Variants in PWWP2A observed in about 807,000 individuals in gnomAD.
PWWP2A encodes the protein PWWP domain-containing protein 2A.
A neutral mutation model predicts 48.5 loss-of-function variants in PWWP2A; 18 were observed. The ratio of observed to expected loss-of-function variants is 0.37; its 90% CI spans 0.26 to 0.55. The LOEUF is 0.55. Ranked by LOEUF, PWWP2A falls within the 20% of genes least tolerant of loss-of-function variation. The pLI, the probability that PWWP2A is intolerant of heterozygous loss-of-function variation, is 0.81. For missense variants in PWWP2A, 867 were observed against 976.4 expected (o/e 0.89, Z 1.49); for synonymous variants, 396 against 387.7 (o/e 1.02, Z -0.25).
downstream of PWWP2A, among the ~76,000 whole-genome samples, chr5:160,059,681 C>G (rs919608626): frequency 6.6e-6 from 1 of 152,200 alleles, no homozygotes; most frequent in African/African-American, 2.4e-5. Context: ...GTCAGAGGAG[C>G]AGTCAGAACA....
chr5:160,073,228 TC>T (rs1453136008), downstream of PWWP2A, among the ~76,000 whole-genome samples: 1,082 of 27,344 alleles, frequency 0.04, 10 homozygotes, highest in African/African-American at 0.071. Flanking sequence ...TAAAAACATT[TC>T]TTTTTTTTTT....
At chr5:160,084,658 T>C (rs1754486491) in intron 2 of PWWP2A, among the ~76,000 whole-genome samples, 1 of 152,098 alleles carries the variant, frequency 6.6e-6, no homozygotes, top group Non-Finnish European at 1.5e-5. Flanking sequence ...CTCAAACTCC[T>C]GGACTCAAAT....
At chr5:160,065,037 T>C (rs757621982) in intron 4 of PWWP2A, 1 of 1,612,014 alleles carries the variant, frequency 6.2e-7, no homozygotes, top group Non-Finnish European at 8.5e-7. Context: ...TCCATCAATT[T>C]CGTTCAAAAT....
chr5:160,093,840 T>C lies in PWWP2A; in HGVS notation c.810A>G (p.Ala270=). The C allele has an allele frequency of 2.5e-6, 4 of 1,614,018 alleles. No homozygotes were observed. The highest frequency in any genetic ancestry group is 3.4e-6 in the Non-Finnish European group (4 of 1,179,892). ...SKPPPLFHEG[A]PYPPPLFIRD... ...TGATAAACAAAGGGGGAGGATAAGG[T>C]GCTCCTTCATGGAAGAGAGGTGGTG... Residue 270 remains alanine, a synonymous_variant, in exon 2 of 2, where the codon GCA becomes GCG. Coordinates refer to ENST00000307063, the MANE Select transcript of PWWP2A (RefSeq NM_001130864.2). This position sits in a 1 kb window ranked among gnomAD's most constrained non-coding sequence, Gnocchi z 5.8.
chr5:160,045,520 A>ACACACACACACACACC, the PWWP2A span, among the ~76,000 whole-genome samples: 1 of 54,884 alleles, frequency 1.8e-5, no homozygotes, highest in Admixed American at 2.3e-4. Context: ...ACACATACAC[A>ACACACACACACACACC]CTCTCTCTCT....
intron 3 of PWWP2A, among the ~76,000 whole-genome samples, chr5:160,080,469 A>G (rs35435432): frequency 0.013 from 1,915 of 152,282 alleles, 21 homozygotes; most frequent in Middle Eastern, 0.075. Context: ...GTATCAATGG[A>G]AAGTTATTTT....
Position 160,118,863 on chromosome 5 carries a change from C to T in PWWP2A, c.526G>A (p.Val176Met). ...AGCTTCTCCCCGAAGCGGAACGACACGACAAGCGCGTCCTCAATGATGTGG... is the reference window on the plus strand; with the variant it reads ...AGCTTCTCCCCGAAGCGGAACGACATGACAAGCGCGTCCTCAATGATGTGG... ...LDHIIEDALV[V>M]SFRFGEKLFS... The change falls in exon 1 of 2, where the codon GTG becomes ATG. Residue 176 changes from valine (V) to methionine (M), a missense_variant. This residue lies in a region of PWWP2A where 385 missense variants were observed against 396.9 expected (regional missense o/e 0.97). Transcript: ENST00000307063. 6.3e-7 allele frequency: 1 copy of T among 1,593,916 alleles called. No homozygotes were observed. The highest frequency in any genetic ancestry group is 8.5e-7 in the Non-Finnish European group (1 of 1,171,762).
At chr5:160,063,521 A>G (rs1360758434) in intron 5 of PWWP2A, 1 of 151,716 alleles carries the variant, frequency 6.6e-6, no homozygotes, top group Non-Finnish European at 1.5e-5. Flanking sequence ...AGCCAAGGCC[A>G]TGCACCTTTA....
chr5:160,097,746 C>T (rs901969532), intron 1 of PWWP2A, among the ~76,000 whole-genome samples: 2 of 136,986 alleles, frequency 1.5e-5, no homozygotes, highest in Non-Finnish European at 3.1e-5. Context: ...GAGACAGACT[C>T]TCACTGTCGC....
intron 2 of PWWP2A, among the ~76,000 whole-genome samples, chr5:160,084,247 C>T (rs1191529882): frequency 1.3e-5 from 2 of 152,142 alleles, no homozygotes; most frequent in Non-Finnish European, 2.9e-5. Context: ...CCTTATTTCA[C>T]ATGTGATGAT....
intron 2 of PWWP2A, among the ~76,000 whole-genome samples, chr5:160,067,857 G>GTATT (rs1432063478): frequency 1.3e-5 from 2 of 152,216 alleles, no homozygotes; most frequent in Non-Finnish European, 2.9e-5. Flanking sequence ...AAGGTGGCCT[G>GTATT]TATTTGCCTA....
chr5:160,089,734 T>A (rs988525185), downstream of PWWP2A: 10 of 1,229,476 alleles, frequency 8.1e-6, no homozygotes, highest in African/African-American at 1.6e-4. Flanking sequence ...AATCCTTTGT[T>A]TTAGCCACGA....
rs1054397373 is a variant in PWWP2A, at chr5:160,108,811, C to T, written c.584+9994G>A. On this transcript the variant is annotated intron_variant, in intron 1 of 1. Transcript: ENST00000307063. ...TCAATTCTGAAATACAGCTAGCTACCCCCTTTAATATGCACATACCACAAA... is the reference window on the plus strand; with the variant it reads ...TCAATTCTGAAATACAGCTAGCTACTCCCTTTAATATGCACATACCACAAA... Among the ~76,000 whole-genome samples the T allele has an allele frequency of 5.9e-5, 9 of 152,082 alleles. No individual in the cohort carries two copies. The South Asian group carries it at 6.2e-4, about 11-fold the overall frequency.
At chr5:160,059,553 C>G (rs541244294), downstream of PWWP2A, among the ~76,000 whole-genome samples, 5 of 152,148 alleles carry the variant, frequency 3.3e-5, no homozygotes, top group Admixed American at 2.0e-4. Flanking sequence ...TCTGGCTCTT[C>G]CCTTTACTTG....
chr5:160,107,988 C>T (rs943580623), intron 1 of PWWP2A, among the ~76,000 whole-genome samples: 2 of 151,606 alleles, frequency 1.3e-5, no homozygotes, highest in African/African-American at 4.8e-5. Context: ...GCGACAAAAG[C>T]GAGACCCATC....
chr5:160,087,602 A>G (rs1754740070), downstream of PWWP2A, among the ~76,000 whole-genome samples: 1 of 152,160 alleles, frequency 6.6e-6, no homozygotes, highest in African/African-American at 2.4e-5. Context: ...TTCTATCAAA[A>G]CTAAATTACA....
downstream of PWWP2A, chr5:160,090,949 G>A (rs1755009252): frequency 1.6e-5 from 16 of 984,908 alleles, no homozygotes; most frequent in Non-Finnish European, 1.9e-5. Context: ...AAAATAGTAA[G>A]CTAAGTTACT....
At chr5:160,117,151 CT>C (rs1232533306) in intron 1 of PWWP2A, among the ~76,000 whole-genome samples, 1 of 151,686 alleles carries the variant, frequency 6.6e-6, no homozygotes, top group East Asian at 2.0e-4. Flanking sequence ...CCTTATTCTG[CT>C]TTCTAATTAT....
chr5:160,097,386 C>T (rs545157990), intron 1 of PWWP2A, among the ~76,000 whole-genome samples: 4 of 146,696 alleles, frequency 2.7e-5, no homozygotes, highest in African/African-American at 1.0e-4. Flanking sequence ...GTGGCTCACG[C>T]CTGTAATCCC....
Sources: gnomAD v4.1 joint callset for allele counts (sites outside exome capture counted in the v4.1 genomes callset) on GRCh38, gnomAD v4.1.1 for gene constraint, gnomAD v4.1.1 regional missense constraint, Gnocchi (gnomAD v3.1) non-coding constraint, MANE v1.5 for transcripts, NCBI Gene and HGNC (gene_info 2026-07-23, HGNC 2026-07-21) for gene names.